HNF4G: variants seen among roughly 807,000 people sequenced by gnomAD.
The protein encoded by HNF4G is hepatocyte nuclear factor 4-gamma.
A neutral mutation model predicts 50.9 loss-of-function variants in HNF4G; 21 were observed. The observed-to-expected ratio is 0.41, with a 90% CI of 0.29 to 0.59. The LOEUF (loss-of-function observed/expected upper bound fraction) is 0.59. HNF4G is among the 20% of genes least tolerant of loss of function. The probability of loss-of-function intolerance (pLI) is 0.26; values close to 1 mark genes in which losing one functional copy is unlikely to be tolerated. For synonymous variants in HNF4G, 198 were observed against 185.6 expected, an observed-to-expected ratio of 1.07 and a Z score of -0.54; for missense variants, 527 against 559.4, an observed-to-expected ratio of 0.94 and a Z score of 0.58.
At chr8:75,421,819 C>G (rs1810781622) in intron 1 of HNF4G, among the ~76,000 whole-genome samples, 1 of 152,172 alleles carries the variant, frequency 6.6e-6, no homozygotes, top group African/African-American at 2.4e-5. Flanking sequence ...CATAGACCAT[C>G]TCGTCTCTCC....
chr8:75,542,950 T>A lies in HNF4G; in HGVS notation c.119-861T>A, dbSNP rs192026958. ...GCCTATAATTTCAGCACTTTGGGATTATAGGTGGGCAGACCGCCTGCTGAG... is the reference window on the plus strand; with the variant it reads ...GCCTATAATTTCAGCACTTTGGGATAATAGGTGGGCAGACCGCCTGCTGAG... On this transcript the variant is annotated intron_variant, in intron 1 of 9. Transcript: ENST00000396423. Among the ~76,000 whole-genome samples the A allele has an allele frequency of 3.3e-4, 50 of 152,254 alleles. No homozygotes were observed. The East Asian group carries it at 9.3e-3, about 28-fold the overall frequency.
chr8:75,448,508 A>T (rs1041966387), intron 1 of HNF4G, among the ~76,000 whole-genome samples: 7 of 148,350 alleles, frequency 4.7e-5, no homozygotes, highest in African/African-American at 1.7e-4. Context: ...AAAAACAAAT[A>T]CCTTAAAAAA....
At chr8:75,529,169 T>TA (rs1233467811) in intron 2 of HNF4G, among the ~76,000 whole-genome samples, 1 of 151,980 alleles carries the variant, frequency 6.6e-6, no homozygotes, top group Non-Finnish European at 1.5e-5. Flanking sequence ...CGGGCGCCTG[T>TA]AGTCCCAGCT....
At chr8:75,430,495 A>G (rs1401249705) in intron 1 of HNF4G, among the ~76,000 whole-genome samples, 6 of 146,052 alleles carry the variant, frequency 4.1e-5, no homozygotes, top group Non-Finnish European at 7.4e-5. Flanking sequence ...AGAGAGAGAG[A>G]GAGAGAGGGA....
chr8:75,544,870 A>G (rs1400362701), intron 2 of HNF4G, among the ~76,000 whole-genome samples: 1 of 152,164 alleles, frequency 6.6e-6, no homozygotes, highest in African/African-American at 2.4e-5. Flanking sequence ...CAGATTGGAC[A>G]TTTGGGAAGA....
chr8:75,507,224 T>G (rs548137003), intron 2 of HNF4G, among the ~76,000 whole-genome samples: 1 of 152,212 alleles, frequency 6.6e-6, no homozygotes, highest in African/African-American at 2.4e-5. Context: ...TATATAGCGA[T>G]TTGCCATTGA....
chr8:75,463,350 T>C (rs191153008), intron 1 of HNF4G, among the ~76,000 whole-genome samples: 5 of 152,144 alleles, frequency 3.3e-5, no homozygotes, highest in Non-Finnish European at 7.4e-5. Flanking sequence ...TTGATCCCAT[T>C]CTCAGAGGGA....
upstream of HNF4G, chr8:75,539,768 C>A: frequency 2.2e-6 from 1 of 464,616 alleles, no homozygotes; most frequent in East Asian, 3.6e-5. Context: ...TTTCATATGC[C>A]ATAAAAGAAG....
At chr8:75,451,111 C>A (rs950502700) in intron 1 of HNF4G, among the ~76,000 whole-genome samples, 1 of 152,138 alleles carries the variant, frequency 6.6e-6, no homozygotes, top group African/African-American at 2.4e-5. Context: ...TTCATATACT[C>A]CATTGGCCAT....
chr8:75,440,840 A>G (rs542205324), intron 1 of HNF4G, among the ~76,000 whole-genome samples: 8 of 152,154 alleles, frequency 5.3e-5, no homozygotes, highest in East Asian at 1.9e-4. Flanking sequence ...ATACACTTCA[A>G]TTAATTAATT....
At chr8:75,558,080 T>C (rs1362505322) in intron 6 of HNF4G, among the ~76,000 whole-genome samples, 1 of 152,148 alleles carries the variant, frequency 6.6e-6, no homozygotes, top group East Asian at 1.9e-4. Flanking sequence ...GTTAAAACTG[T>C]CTCAATAGTG....
chr8:75,531,717 T>C (rs1366869423), intron 2 of HNF4G, among the ~76,000 whole-genome samples: 1 of 152,112 alleles, frequency 6.6e-6, no homozygotes, highest in East Asian at 1.9e-4. Flanking sequence ...ATGATGACTA[T>C]GTAGCATCTA....
intron 2 of HNF4G, among the ~76,000 whole-genome samples, chr8:75,520,896 A>G (rs890236057): frequency 1.3e-5 from 2 of 152,112 alleles, no homozygotes; most frequent in African/African-American, 4.8e-5. Context: ...GTAACCTAAA[A>G]TTAATCTTTT....
chr8:75,489,248 T>C (rs1812565543), intron 1 of HNF4G, among the ~76,000 whole-genome samples: 1 of 152,252 alleles, frequency 6.6e-6, no homozygotes, highest in Non-Finnish European at 1.5e-5. Flanking sequence ...TTTTTAAATG[T>C]ATTAGCATCT....
intron 1 of HNF4G, among the ~76,000 whole-genome samples, chr8:75,461,695 C>T (rs979350150): frequency 6.7e-6 from 1 of 149,230 alleles, no homozygotes; most frequent in African/African-American, 2.5e-5. Context: ...AAGTAGATGC[C>T]TGAAACCATG....
At chr8:75,523,946 T>A (rs909559550) in intron 2 of HNF4G, among the ~76,000 whole-genome samples, 1 of 151,916 alleles carries the variant, frequency 6.6e-6, no homozygotes, top group African/African-American at 2.4e-5. Flanking sequence ...ACACCTTATA[T>A]GGGGTACCTT....
At chr8:75,454,546 C>T (rs545246409) in intron 1 of HNF4G, among the ~76,000 whole-genome samples, 1 of 152,262 alleles carries the variant, frequency 6.6e-6, no homozygotes, top group Admixed American at 6.5e-5. Context: ...GCTCTCCAAC[C>T]ACATTGGCCT....
chr8:75,455,763 T>A (rs897969687), intron 1 of HNF4G, among the ~76,000 whole-genome samples: 1 of 152,264 alleles, frequency 6.6e-6, no homozygotes, highest in South Asian at 2.1e-4. Context: ...TTAATTTTTT[T>A]AAATAACCGT....
intron 5 of HNF4G, among the ~76,000 whole-genome samples, chr8:75,553,621 A>G (rs960373974): frequency 3.3e-5 from 5 of 152,070 alleles, no homozygotes; most frequent in Admixed American, 6.6e-5. Context: ...TCACTCCTAG[A>G]CAGAAACCAC....
Sources: allele counts gnomAD v4.1 joint callset (sites outside exome capture counted in the v4.1 genomes callset), GRCh38; gene constraint gnomAD v4.1.1; transcripts MANE v1.5; gene names NCBI Gene and HGNC (gene_info 2026-07-23, HGNC 2026-07-21).